The following ZNF577 variants were observed in gnomAD, a reference collection of about 807,000 sequenced individuals.
The protein encoded by ZNF577 is zinc finger protein 577.
In ZNF577, 14 loss-of-function variants were observed where a neutral mutation model predicts 13.9. The ratio of observed to expected loss-of-function variants is 1.00; its 90% CI spans 0.66 to 1.57. The LOEUF is 1.57. Among genes scored for constraint, ZNF577 ranks in the 40% most tolerant of loss-of-function variants. The pLI, the probability that ZNF577 is intolerant of heterozygous loss-of-function variation, is 0.00. For synonymous variants in ZNF577, 203 were observed against 202.9 expected (o/e 1.00, Z 0.00); for missense variants, 555 against 579.2 (o/e 0.96, Z 0.43).
intron 9 of ZNF577, among the ~76,000 whole-genome samples, chr19:51,839,448 A>G (rs2084307555): frequency 6.6e-6 from 1 of 152,116 alleles, no homozygotes; most frequent in African/African-American, 2.4e-5. Flanking sequence ...ACCCATACAC[A>G]TATACCAAGT....
chr19:51,848,804 C>T (rs889183170), intron 5 of ZNF577, among the ~76,000 whole-genome samples: 3 of 152,142 alleles, frequency 2.0e-5, no homozygotes, highest in African/African-American at 4.8e-5. Context: ...TAAAGTTGAT[C>T]TCTTCCCCAA....
At chr19:51,839,344 T>G (rs1017757329) in intron 9 of ZNF577, among the ~76,000 whole-genome samples, 1 of 152,174 alleles carries the variant, frequency 6.6e-6, no homozygotes, top group Non-Finnish European at 1.5e-5. Flanking sequence ...CAGTAAGCTA[T>G]GATCACCCCT....
rs2084594748 is a variant in ZNF577, at chr19:51,868,143, A to G, written c.*4389T>C. ...TTAAGTGTGTCAAATTTCTTTATAC[A>G]TAAATCATCTTCCCACTTGTAATAG... On this transcript the variant is annotated 3_prime_UTR_variant, in exon 6 of 6. Coordinates refer to ENST00000638348, the MANE Select transcript of ZNF577 (RefSeq NM_001370449.1). Among the ~76,000 whole-genome samples, 1 of 152,216 alleles carries G rather than the reference A, an allele frequency of 6.6e-6. No homozygotes were observed. The highest frequency in any genetic ancestry group is 1.5e-5 in the Non-Finnish European group (1 of 68,034).
chr19:51,873,199 T>C lies in ZNF577; in HGVS notation c.791A>G (p.His264Arg), dbSNP rs1410433835. ...KCRLNRHQRS[H>R]TGEKLYGCSV... ...GCACCCATAGAGTTTCTCTCCAGTA[T>C]GTGATCGCTGATGTCTATTGAGCCG... The change falls in exon 6 of 6, where the codon CAT (histidine) becomes CGT (arginine). Residue 264 changes from histidine (H) to arginine (R), a missense_variant. Coordinates refer to ENST00000638348, the MANE Select transcript of ZNF577 (RefSeq NM_001370449.1). 6.2e-6 allele frequency: 10 copies of C among 1,614,100 alleles called. No individual in the cohort carries two copies. Among genetic ancestry groups the C allele is most frequent in the Middle Eastern group, 1.6e-4 (1 of 6,062 alleles).
At chr19:51,856,817 T>C (rs953849546) in intron 5 of ZNF577, among the ~76,000 whole-genome samples, 4 of 152,076 alleles carry the variant, frequency 2.6e-5, no homozygotes, top group Admixed American at 2.0e-4. Context: ...AGAGGCTTGA[T>C]TGGAAAAGAA....
rs77213651 is a variant in ZNF577, at chr19:51,819,385, C to G, written c.*600-7711G>C. Among the ~76,000 whole-genome samples the G allele has an allele frequency of 7.9e-3, 1,208 of 152,000 alleles. 28 individuals are homozygous for G. Among genetic ancestry groups the G allele is most frequent in the Non-Finnish European group, 7.1e-3 (484 of 67,992 alleles). ...ATATCACCTATAGAATGTGGGACAC[C>G]CTAAATTTAGAGACATTTAGAGCAG... On this transcript the variant is annotated intron_variant and NMD_transcript_variant, in intron 9 of 10. Transcript: ENST00000638827.
chr19:51,844,886 T>C (rs984391617), exon 6 of ZNF577: 3 of 152,216 alleles, frequency 2.0e-5, no homozygotes, highest in Non-Finnish European at 4.4e-5. Context: ...ACATGAGATA[T>C]ACTTTTTTCC....
In ZNF577 at chr19:51,867,521, T is replaced by C. The variant is rs2084583795; in HGVS notation, c.*5011A>G. On this transcript the variant is annotated 3_prime_UTR_variant, in exon 6 of 6. Transcript: ENST00000638348. Reference sequence around the variant, plus strand: ...CAGGCGCGGTGGCTCACACCTGTAATCCCAGCACTTTGGGAGGCTGAGGTG... The same window carrying C: ...CAGGCGCGGTGGCTCACACCTGTAACCCCAGCACTTTGGGAGGCTGAGGTG... 6.6e-6 allele frequency among the ~76,000 whole-genome samples: 1 copy of C among 151,198 alleles called. No homozygotes were observed. Among genetic ancestry groups the C allele is most frequent in the South Asian group, 2.1e-4 (1 of 4,788 alleles).
chr19:51,837,287 C>T (rs2084293183), intron 9 of ZNF577, among the ~76,000 whole-genome samples: 1 of 152,026 alleles, frequency 6.6e-6, no homozygotes, highest in South Asian at 2.1e-4. Flanking sequence ...TTACTTAGTT[C>T]TTATTGGTTA....
At chr19:51,809,317 A>G (rs2122439243) in intron 10 of ZNF577, among the ~76,000 whole-genome samples, 1 of 152,332 alleles carries the variant, frequency 6.6e-6, no homozygotes, top group Admixed American at 6.5e-5. Context: ...AGGGATGTAG[A>G]AGTTAATTGC....
At chr19:51,854,521 A>G (rs1292848087) in intron 5 of ZNF577, among the ~76,000 whole-genome samples, 6 of 73,352 alleles carry the variant, frequency 8.2e-5, no homozygotes, top group Non-Finnish European at 1.2e-4. Context: ...TTTTTTAGAG[A>G]TGGGGTCTCG....
At chr19:51,841,646 C>A (rs192626916) in intron 8 of ZNF577, among the ~76,000 whole-genome samples, 2 of 152,074 alleles carry the variant, frequency 1.3e-5, no homozygotes, top group Non-Finnish European at 2.9e-5. Flanking sequence ...AGGCCCGATG[C>A]GGTGGCTCAT....
chr19:51,852,387 C>G (rs1272893163), intron 5 of ZNF577, among the ~76,000 whole-genome samples: 1 of 152,220 alleles, frequency 6.6e-6, no homozygotes, highest in Admixed American at 6.5e-5. Context: ...AGGAGTGTGG[C>G]TCATGCTCAA....
chr19:51,805,850 TAGA>T (rs1479430324), intron 10 of ZNF577, among the ~76,000 whole-genome samples: 1 of 152,102 alleles, frequency 6.6e-6, no homozygotes, highest in Non-Finnish European at 1.5e-5. Flanking sequence ...TAACCTGAAG[TAGA>T]AGAAGTTTCA....
intron 5 of ZNF577, among the ~76,000 whole-genome samples, chr19:51,875,123 C>T (rs992449134): frequency 3.0e-4 from 45 of 151,994 alleles, no homozygotes; most frequent in Admixed American, 2.9e-3. Flanking sequence ...AGTCCCAGCA[C>T]TTTGGGAGGT....
chr19:51,880,403 T>TG lies in ZNF577; in HGVS notation c.-19-3dup, dbSNP rs761121497. 2 of 1,613,478 alleles carry TG rather than the reference T, an allele frequency of 1.2e-6. No homozygotes were observed. Among genetic ancestry groups the TG allele is most frequent in the Non-Finnish European group, 1.7e-6 (2 of 1,179,782 alleles). ...TTCATGTGTTTCCTGTTATTTCAGC[T>TG]GCCAAAAAAAAGGAGACACAGTTTA... On this transcript the variant is annotated splice_polypyrimidine_tract_variant and splice_region_variant and intron_variant, in intron 2 of 5. Coordinates refer to ENST00000638348, the MANE Select transcript of ZNF577 (RefSeq NM_001370449.1).
rs1425121047 is a variant in ZNF577 at position 51,868,392 on chromosome 19, C to G, written c.*4140G>C. 6.6e-6 allele frequency among the ~76,000 whole-genome samples: 1 copy of G among 152,108 alleles called. No individual in the cohort carries two copies. The highest frequency in any genetic ancestry group is 1.5e-5 in the Non-Finnish European group (1 of 68,014). On this transcript the variant is annotated 3_prime_UTR_variant, in exon 6 of 6. Coordinates refer to ENST00000638348, the MANE Select transcript of ZNF577 (RefSeq NM_001370449.1). ...CCCATGCCCTGAGTCCCCTCCCCAG[C>G]CTCCAACATGGGATCCATCTGGCCC...
intron 9 of ZNF577, among the ~76,000 whole-genome samples, chr19:51,831,279 G>A (rs1309831718): frequency 2.0e-5 from 3 of 151,930 alleles, no homozygotes; most frequent in Non-Finnish European, 4.4e-5. Flanking sequence ...ACCCCGCCTG[G>A]CTAATATTTG....
rs1015283203 is a variant in ZNF577, at chr19:51,868,174, C to A, written c.*4358G>T. Among the ~76,000 whole-genome samples, 4 of 152,122 alleles carry A rather than the reference C, an allele frequency of 2.6e-5. No homozygotes were observed. The highest frequency in any genetic ancestry group is 5.9e-5 in the Non-Finnish European group (4 of 68,022). On this transcript the variant is annotated 3_prime_UTR_variant, in exon 6 of 6. Transcript: ENST00000638348. ...CATCTTCCCACTTGTAATAGAAGTT[C>A]TTTTTAAAAGTTGCTGACTTAGTCC...
Sources: gnomAD v4.1 joint callset for allele counts (sites outside exome capture counted in the v4.1 genomes callset) on GRCh38, gnomAD v4.1.1 for gene constraint, MANE v1.5 for transcripts, NCBI Gene and HGNC (gene_info 2026-07-23, HGNC 2026-07-21) for gene names.